The following ERC2 variants were observed in gnomAD, a reference collection of about 807,000 sequenced individuals.
The protein encoded by ERC2 is ELKS/RAB6-interacting/CAST family member 2.
A neutral mutation model predicts 114.8 loss-of-function variants in ERC2; 42 were observed. The ratio of observed to expected loss-of-function variants is 0.37; its 90% CI spans 0.29 to 0.47. The LOEUF (loss-of-function observed/expected upper bound fraction) is 0.47, where lower values mean the gene tolerates loss of function less well. ERC2 is among the 20% of genes least tolerant of loss of function. ERC2 has a pLI of 0.99. For synonymous variants in ERC2, 454 were observed against 425.5 expected (o/e 1.07, Z -0.82); for missense variants, 939 against 1,150.7 (o/e 0.82, Z 2.66).
intron 2 of ERC2, among the ~76,000 whole-genome samples, chr3:56,375,014 A>G (rs983435684): frequency 1.3e-5 from 2 of 152,180 alleles, no homozygotes; most frequent in African/African-American, 4.8e-5. Context: ...TACTTCTTTG[A>G]GATGGATGAG....
intron 4 of ERC2, 56 bp from the exon 5 acceptor site, chr3:56,149,188 A>G: frequency 6.8e-7 from 1 of 1,477,160 alleles, no homozygotes; most frequent in Non-Finnish European, 9.1e-7. Context: ...TATTTTTAAG[A>G]TCATCAAAAC....
intron 14 of ERC2, among the ~76,000 whole-genome samples, chr3:55,817,362 G>A (rs948236026): frequency 3.3e-5 from 5 of 152,226 alleles, no homozygotes; most frequent in African/African-American, 1.2e-4. Flanking sequence ...CTTTCCAGCA[G>A]TGAGGTGGGC....
chr3:55,978,656 C>G (rs545912748), intron 12 of ERC2, among the ~76,000 whole-genome samples: 1 of 152,304 alleles, frequency 6.6e-6, no homozygotes, highest in African/African-American at 2.4e-5. Context: ...ACCACATGCA[C>G]ATGAGAGGTA....
intron 3 of ERC2, among the ~76,000 whole-genome samples, chr3:56,270,143 G>A (rs1237745190): frequency 6.6e-6 from 1 of 150,874 alleles, no homozygotes; most frequent in Non-Finnish European, 1.5e-5. Flanking sequence ...AAATCTCTAA[G>A]TTTCCAATGA....
chr3:55,832,109 G>A (rs1005033955), intron 14 of ERC2, among the ~76,000 whole-genome samples: 3 of 152,244 alleles, frequency 2.0e-5, no homozygotes, highest in South Asian at 4.1e-4. Context: ...CTGGAGGCTC[G>A]AACTGGGTGG....
At position 55,509,847 on chromosome 3, in the gene ERC2, A is replaced by G. The variant is rs1006993170; in HGVS notation, c.*1469T>C. The stretch of plus-strand genomic sequence containing the variant: ...GCAAAGAAAGACAACTATATTTATT[A>G]AGGCCACTCATGCTTAAATTCACTG... On this transcript the variant is annotated 3_prime_UTR_variant, in exon 18 of 18. Transcript: ENST00000288221. 1 of 152,626 alleles carries G rather than the reference A, an allele frequency of 6.6e-6. No individual in the cohort carries two copies. The highest frequency in any genetic ancestry group is 2.4e-5 in the African/African-American group (1 of 41,452). 9.5% of individuals were successfully genotyped at this position (152,626 alleles called of 1,614,324 possible).
At chr3:56,330,259 G>A (rs775783109) in intron 2 of ERC2, among the ~76,000 whole-genome samples, 1 of 152,180 alleles carries the variant, frequency 6.6e-6, no homozygotes, top group African/African-American at 2.4e-5. Context: ...CACTGGTCTC[G>A]AATTCCTGGG....
At chr3:56,244,271 G>A (rs1325817212) in intron 3 of ERC2, among the ~76,000 whole-genome samples, 2 of 152,054 alleles carry the variant, frequency 1.3e-5, no homozygotes, top group Non-Finnish European at 2.9e-5. Context: ...AGTTGTATAA[G>A]AGTATAACAC....
At chr3:56,277,836 G>T (rs1392654599) in intron 3 of ERC2, among the ~76,000 whole-genome samples, 3 of 152,022 alleles carry the variant, frequency 2.0e-5, no homozygotes, top group Non-Finnish European at 4.4e-5. Flanking sequence ...TAAGGGTTGG[G>T]ATTGCCCCTT....
At chr3:55,919,019 T>C (rs1559869974) in intron 13 of ERC2, among the ~76,000 whole-genome samples, 1 of 152,088 alleles carries the variant, frequency 6.6e-6, no homozygotes, top group East Asian at 1.9e-4. Context: ...CACCACAGCA[T>C]TGTTTGCAAA....
At position 56,136,322 on chromosome 3, in the gene ERC2, G is replaced by A. The variant is rs115285415; in HGVS notation, c.1473+3187C>T. 9.3e-3 allele frequency among the ~76,000 whole-genome samples: 1,416 copies of A among 152,272 alleles called. 28 individuals are homozygous for A. The highest frequency in any genetic ancestry group is 0.031 in the African/African-American group (1,294 of 41,562). ...AGCAGGACTCTCCCCATTACAAAGA[G>A]AGCCCCCTTCTGTTTTGGCAAGAAC... is the stretch of plus-strand genomic sequence containing the variant. On this transcript the variant is annotated intron_variant, in intron 6 of 17. Coordinates refer to ENST00000288221, the MANE Select transcript of ERC2 (RefSeq NM_015576.3).
rs1018646394 is a variant in ERC2, at chr3:55,509,454, C to T, written c.*1862G>A. 2.6e-5 allele frequency: 4 copies of T among 152,512 alleles called. No homozygotes were observed. Among genetic ancestry groups the T allele is most frequent in the Non-Finnish European group, 5.9e-5 (4 of 68,032 alleles). The allele number at this position is 152,512 out of a possible 1,614,324, so 9.4% of individuals were successfully genotyped here. On this transcript the variant is annotated 3_prime_UTR_variant, in exon 18 of 18. Coordinates refer to ENST00000288221, the MANE Select transcript of ERC2 (RefSeq NM_015576.3). ...CTAAATAAGCTTGCAAAGAACTCTG[C>T]TTACTTCTCTAACCAAGACCTAGAT...
intron 3 of ERC2, among the ~76,000 whole-genome samples, chr3:56,195,654 C>G (rs573742683): frequency 6.6e-6 from 1 of 151,860 alleles, no homozygotes; most frequent in Admixed American, 6.6e-5. Flanking sequence ...ACATAGGAAA[C>G]CTTGTCTCTA....
intron 17 of ERC2, among the ~76,000 whole-genome samples, chr3:55,602,594 G>A (rs1335810230): frequency 6.6e-6 from 1 of 152,204 alleles, no homozygotes; most frequent in Admixed American, 6.5e-5. Flanking sequence ...CTGTGGCAGT[G>A]TTGCTCAGGA....
intron 2 of ERC2, among the ~76,000 whole-genome samples, chr3:56,302,473 G>C (rs1019288710): frequency 3.3e-5 from 5 of 152,104 alleles, no homozygotes; most frequent in African/African-American, 1.2e-4. Context: ...TGTAAATATT[G>C]GAAGACATAT....
chr3:55,767,658 C>T (rs1035513051), intron 14 of ERC2, among the ~76,000 whole-genome samples: 2 of 152,152 alleles, frequency 1.3e-5, no homozygotes, highest in African/African-American at 4.8e-5. Flanking sequence ...CAGAGACCCT[C>T]CTGCCAGCTC....
chr3:56,175,471 C>T (rs191878383), intron 3 of ERC2, among the ~76,000 whole-genome samples: 29 of 152,238 alleles, frequency 1.9e-4, no homozygotes, highest in Admixed American at 1.4e-3. Context: ...GGCAACACTA[C>T]CATTTTTGGA....
At chr3:55,832,738 A>C (rs1180660941) in intron 14 of ERC2, among the ~76,000 whole-genome samples, 3 of 152,210 alleles carry the variant, frequency 2.0e-5, no homozygotes, top group African/African-American at 7.2e-5. Context: ...CTCACCAGCA[A>C]CGGAACAAAG....
chr3:56,077,725 TA>T lies in ERC2; in HGVS notation c.1641+3091del, dbSNP rs766960908. The stretch of plus-strand genomic sequence containing the variant: ...GTGTCATCATCCTAAAAAGTGAAAT[TA>T]AAAAAAGGCTTATTCTCTTAATTTA... On this transcript the variant is annotated intron_variant, in intron 7 of 17. Transcript: ENST00000288221. Among the ~76,000 whole-genome samples the T allele has an allele frequency of 2.5e-4, 38 of 152,188 alleles. 1 individual carries two copies. The highest frequency in any genetic ancestry group is 1.9e-3 in the East Asian group (10 of 5,182).
Sources: allele counts gnomAD v4.1 joint callset (sites outside exome capture counted in the v4.1 genomes callset), GRCh38; gene constraint gnomAD v4.1.1; transcripts MANE v1.5; gene names NCBI Gene and HGNC (gene_info 2026-07-23, HGNC 2026-07-21).